Variants in COL28A1 observed in about 807,000 individuals in gnomAD.
The protein encoded by COL28A1 is collagen alpha-1(XXVIII) chain.
In COL28A1, 161 loss-of-function variants were observed where a neutral mutation model predicts 150.2. That is an observed-to-expected ratio of 1.07 (90% CI 0.94 to 1.22). The LOEUF is 1.22. Ranked by LOEUF, COL28A1 falls within the 50% of genes most tolerant of loss-of-function variation. The pLI is 0.00. For synonymous variants in COL28A1, 552 were observed against 469.7 expected, an observed-to-expected ratio of 1.18 and a Z score of -2.26; for missense variants, 1,617 against 1,388.3, an observed-to-expected ratio of 1.16 and a Z score of -2.62.
intron 11 of COL28A1, among the ~76,000 whole-genome samples, chr7:7,495,009 G>A (rs1447952072): frequency 6.6e-6 from 1 of 152,138 alleles, no homozygotes; most frequent in Non-Finnish European, 1.5e-5. Flanking sequence ...GAGCCCAACA[G>A]GCCGGAAACA....
At chr7:7,522,965 G>A (rs1781818499) in intron 4 of COL28A1, among the ~76,000 whole-genome samples, 1 of 152,052 alleles carries the variant, frequency 6.6e-6, no homozygotes, top group East Asian at 1.9e-4. Context: ...AGAGTCTGAT[G>A]TGAAGAAGTT....
chr7:7,387,427 ATAGAT>A (rs1378262704), intron 27 of COL28A1, among the ~76,000 whole-genome samples: 1 of 152,196 alleles, frequency 6.6e-6, no homozygotes, highest in South Asian at 2.1e-4. Flanking sequence ...AATGAGTTCT[ATAGAT>A]TAAATAGTAT....
chr7:7,348,382 C>A, the COL28A1 span, among the ~76,000 whole-genome samples: 11 of 152,144 alleles, frequency 7.2e-5, no homozygotes, highest in South Asian at 1.2e-3. Flanking sequence ...AAAGGAGACA[C>A]ATTTACCCCT....
In COL28A1 at chr7:7,399,285, C is replaced by T. The variant is rs536432113; in HGVS notation, c.2137-17673G>A. On this transcript the variant is annotated intron_variant, in intron 27 of 34. Transcript: ENST00000399429. ...AGCCTCCCAAACACATCCAAGAAGT[C>T]TTCCCTGATCCTCCCTGACCTCAGC... 6.6e-5 allele frequency among the ~76,000 whole-genome samples: 10 copies of T among 152,290 alleles called. No homozygotes were observed. In the South Asian group the frequency reaches 1.7e-3, roughly 25 times the overall value.
Position 7,381,577 on chromosome 7 carries a change from C to A in COL28A1, c.2172G>T (p.Lys724Asn), listed in dbSNP as rs1237827058. 1.2e-6 allele frequency: 2 copies of A among 1,613,820 alleles called. No individual in the cohort carries two copies. Among genetic ancestry groups the A allele is most frequent in the Admixed American group, 3.3e-5 (2 of 60,014 alleles). Reference sequence around the variant, plus strand: ...CTGGGAGGCCATGGCCCATTGTGCCCTTTGGGCCTGGGAAGCCTTGTGGTC... The same window carrying A: ...CTGGGAGGCCATGGCCCATTGTGCCATTTGGGCCTGGGAAGCCTTGTGGTC... ...EQGPQGFPGP[K>N]GTMGHGLPGQ... is the part of the protein sequence containing the mutation. Residue 724 changes from lysine to asparagine, a missense_variant, in exon 28 of 35, where the codon AAG becomes AAT. By Grantham distance (94) the Lys-to-Asn change is moderately conservative. Coordinates refer to ENST00000399429, the MANE Select transcript of COL28A1 (RefSeq NM_001037763.3).
chr7:7,402,257 G>T (rs187568327), intron 27 of COL28A1, among the ~76,000 whole-genome samples: 1 of 152,240 alleles, frequency 6.6e-6, no homozygotes, highest in African/African-American at 2.4e-5. Flanking sequence ...AGAACATTTC[G>T]CTTCTTCCCG....
At chr7:7,385,459 C>G (rs570575180) in intron 27 of COL28A1, among the ~76,000 whole-genome samples, 1 of 152,140 alleles carries the variant, frequency 6.6e-6, no homozygotes, top group Non-Finnish European at 1.5e-5. Flanking sequence ...GGTGAATTAT[C>G]GCTAGGAGTT....
chr7:7,338,558 A>G, the COL28A1 span, among the ~76,000 whole-genome samples: 4 of 152,182 alleles, frequency 2.6e-5, no homozygotes, highest in East Asian at 5.8e-4. Flanking sequence ...CTGAAACTTT[A>G]CTGAAGATGT....
rs150570137 is a variant in COL28A1, at chr7:7,527,986, T to C, written c.681+3362A>G. ...AATCTAAAACAGAAAAATAAGGCCC[T>C]AAACAGAGGAAGTCTTGAAAAAATG... On this transcript the variant is annotated intron_variant, in intron 3 of 34. Coordinates refer to ENST00000399429, the MANE Select transcript of COL28A1 (RefSeq NM_001037763.3). 3.4e-3 allele frequency among the ~76,000 whole-genome samples: 519 copies of C among 152,182 alleles called. 2 individuals carry two copies. Among genetic ancestry groups the C allele is most frequent in the African/African-American group, 0.012 (487 of 41,532 alleles).
At chr7:7,463,397 A>G (rs1787799061) in intron 15 of COL28A1, among the ~76,000 whole-genome samples, 1 of 152,210 alleles carries the variant, frequency 6.6e-6, no homozygotes, top group African/African-American at 2.4e-5. Context: ...AGCAGAAGTA[A>G]TAATAATGAA....
chr7:7,519,924 G>A (rs1781620877), intron 6 of COL28A1, 138 bp downstream of exon 6: 1 of 533,598 alleles, frequency 1.9e-6, no homozygotes, highest in Non-Finnish European at 3.3e-6. Flanking sequence ...TATAGGAAGT[G>A]GAAATCCTGT....
At chr7:7,354,693 C>T (rs1371985173), downstream of COL28A1, among the ~76,000 whole-genome samples, 2 of 152,062 alleles carry the variant, frequency 1.3e-5, no homozygotes, top group Non-Finnish European at 2.9e-5. Flanking sequence ...GCTTTTTGTT[C>T]TTAAAATATT....
upstream of COL28A1, among the ~76,000 whole-genome samples, chr7:7,540,207 A>G (rs1441688383): frequency 6.6e-6 from 1 of 152,202 alleles, no homozygotes; most frequent in Non-Finnish European, 1.5e-5. Flanking sequence ...TGGATAGAGC[A>G]GTTTTAACTT....
At chr7:7,427,447 C>T (rs1159339332) in intron 25 of COL28A1, among the ~76,000 whole-genome samples, 1 of 152,156 alleles carries the variant, frequency 6.6e-6, no homozygotes, top group Non-Finnish European at 1.5e-5. Flanking sequence ...CCTTGTTGGG[C>T]ACTGTTCAAA....
chr7:7,395,479 A>C (rs1421445687), intron 27 of COL28A1, among the ~76,000 whole-genome samples: 2 of 152,226 alleles, frequency 1.3e-5, no homozygotes, highest in Non-Finnish European at 2.9e-5. Context: ...AACTAAGGCC[A>C]ATAATAATGG....
intron 16 of COL28A1, 109 bp from the exon 17 acceptor site, chr7:7,453,617 G>C (rs1210517125): frequency 3.0e-6 from 2 of 667,638 alleles, no homozygotes; most frequent in Non-Finnish European, 5.1e-6. Flanking sequence ...CACTCAATAA[G>C]CATTTGTGGA....
intron 32 of COL28A1, among the ~76,000 whole-genome samples, chr7:7,371,801 G>T (rs1224817252): frequency 1.3e-5 from 2 of 152,174 alleles, no homozygotes; most frequent in Non-Finnish European, 2.9e-5. Flanking sequence ...AAGCCCATCA[G>T]ATTAGCACTG....
At chr7:7,482,211 T>C (rs1779365095) in intron 13 of COL28A1, among the ~76,000 whole-genome samples, 1 of 152,186 alleles carries the variant, frequency 6.6e-6, no homozygotes, top group African/African-American at 2.4e-5. Context: ...GTCTTTACCT[T>C]ACTTCTAAAT....
chr7:7,526,181 G>A (rs1189754350), intron 3 of COL28A1, among the ~76,000 whole-genome samples: 1 of 152,222 alleles, frequency 6.6e-6, no homozygotes, highest in East Asian at 1.9e-4. Context: ...GCTTTTGCCT[G>A]TTATCCTGAC....
Sources: allele counts gnomAD v4.1 joint callset (sites outside exome capture counted in the v4.1 genomes callset), GRCh38; gene constraint gnomAD v4.1.1; transcripts MANE v1.5; gene names NCBI Gene and HGNC (gene_info 2026-07-23, HGNC 2026-07-21).